The following MOB4 variants were observed in gnomAD, a reference collection of about 807,000 sequenced individuals.
The protein encoded by MOB4 is MOB family member 4, phocein.
A neutral mutation model predicts 32.2 loss-of-function variants in MOB4; 4 were observed. That is an observed-to-expected ratio of 0.12 (90% CI 0.06 to 0.28). MOB4 has a LOEUF of 0.28. MOB4 is among the 10% of genes least tolerant of loss of function. The pLI, the probability that MOB4 is intolerant of heterozygous loss-of-function variation, is 1.00. For missense variants in MOB4, 158 were observed against 271.2 expected, an observed-to-expected ratio of 0.58 and a Z score of 2.93; for synonymous variants, 88 against 88.1, an observed-to-expected ratio of 1.00 and a Z score of 0.01.
chr2:197,517,221 A>G (rs1243414943), intron 1 of MOB4, among the ~76,000 whole-genome samples: 1 of 152,230 alleles, frequency 6.6e-6, no homozygotes, highest in Non-Finnish European at 1.5e-5. Context: ...GCCCAAGGAT[A>G]CATAGTCTCC....
At chr2:197,543,712 G>A (rs1256290535) in intron 5 of MOB4, among the ~76,000 whole-genome samples, 1 of 152,096 alleles carries the variant, frequency 6.6e-6, no homozygotes, top group Non-Finnish European at 1.5e-5. Context: ...GGTATGGGAA[G>A]TTAGTGCTTA....
At chr2:197,540,567 T>C in intron 5 of MOB4, 130 bp downstream of exon 5, 1 of 911,376 alleles carries the variant, frequency 1.1e-6, no homozygotes, top group South Asian at 2.5e-5. Flanking sequence ...AGTTGCTTGT[T>C]GTGAAGTTGT....
At chr2:197,528,896 C>T (rs375311771) in intron 2 of MOB4, among the ~76,000 whole-genome samples, 2 of 151,998 alleles carry the variant, frequency 1.3e-5, no homozygotes, top group African/African-American at 4.8e-5. Context: ...GGATTACAGG[C>T]GTGAGCCACC....
At chr2:197,538,524 A>G (rs2086842671) in intron 3 of MOB4, among the ~76,000 whole-genome samples, 1 of 152,014 alleles carries the variant, frequency 6.6e-6, no homozygotes, top group African/African-American at 2.4e-5. Flanking sequence ...CCACTAGCTC[A>G]TATTGAGTCT....
intron 2 of MOB4, among the ~76,000 whole-genome samples, chr2:197,528,305 C>T (rs1277417979): frequency 6.6e-6 from 1 of 152,034 alleles, no homozygotes. Flanking sequence ...CTAATTTTGA[C>T]ATATTTATAT....
chr2:197,515,743 AG>A, upstream of MOB4: 1 of 344,658 alleles, frequency 2.9e-6, no homozygotes, highest in South Asian at 3.7e-5. Context: ...GTAACTAACG[AG>A]AGCCCATACC....
intron 5 of MOB4, among the ~76,000 whole-genome samples, chr2:197,541,787 C>T (rs1285233687): frequency 1.3e-5 from 2 of 151,216 alleles, no homozygotes; most frequent in South Asian, 2.1e-4. Flanking sequence ...GGCGTAGTGG[C>T]GGGCGCCTGT....
At chr2:197,528,634 G>A in intron 2 of MOB4, among the ~76,000 whole-genome samples, 1 of 49,746 alleles carries the variant, frequency 2.0e-5, no homozygotes, top group African/African-American at 8.6e-5. Context: ...TTTTTTTTTT[G>A]AGACGGAGTC....
At chr2:197,550,163 C>T (rs975593903) in intron 6 of MOB4, 112 bp from the exon 7 acceptor site, 12 of 944,952 alleles carry the variant, frequency 1.3e-5, no homozygotes, top group African/African-American at 1.2e-4. Context: ...TTGGAGTAGT[C>T]GCTTATTTTC....
intron 3 of MOB4, among the ~76,000 whole-genome samples, chr2:197,539,739 A>T (rs571506442): frequency 6.6e-6 from 1 of 152,304 alleles, no homozygotes; most frequent in Non-Finnish European, 1.5e-5. Flanking sequence ...TTATACATTT[A>T]TCTGCATGCA....
chr2:197,548,904 C>T (rs902666455), intron 6 of MOB4, among the ~76,000 whole-genome samples: 3 of 152,082 alleles, frequency 2.0e-5, no homozygotes, highest in African/African-American at 7.2e-5. Context: ...GTTAGTTAGA[C>T]TCGACCTCCC....
At chr2:197,530,816 T>C (rs951441694) in intron 2 of MOB4, among the ~76,000 whole-genome samples, 3 of 151,968 alleles carry the variant, frequency 2.0e-5, no homozygotes, top group Non-Finnish European at 4.4e-5. Flanking sequence ...CCAAGGTCTC[T>C]AACTCCTGAG....
intron 2 of MOB4, among the ~76,000 whole-genome samples, chr2:197,526,801 T>C (rs917966018): frequency 1.3e-5 from 2 of 152,220 alleles, no homozygotes. Flanking sequence ...TCGAAATCTT[T>C]TGGCCATGTA....
intron 3 of MOB4, among the ~76,000 whole-genome samples, 172 bp downstream of exon 3, chr2:197,535,802 C>T (rs559959704): frequency 2.8e-3 from 423 of 152,110 alleles, no homozygotes; most frequent in Non-Finnish European, 5.0e-3. Flanking sequence ...TGGTTGTTTC[C>T]AGGTCAAATT....
chr2:197,522,885 C>T (rs2086546264), intron 1 of MOB4, among the ~76,000 whole-genome samples: 1 of 151,382 alleles, frequency 6.6e-6, no homozygotes, highest in Admixed American at 6.6e-5. Flanking sequence ...TGTGGTGGTG[C>T]GTGCCTGTAG....
intron 5 of MOB4, among the ~76,000 whole-genome samples, chr2:197,544,746 C>A (rs1476843828): frequency 2.7e-5 from 4 of 150,142 alleles, no homozygotes; most frequent in Non-Finnish European, 5.9e-5. Context: ...GAGTGAGACT[C>A]CGTCTCAAAA....
chr2:197,534,941 C>T (rs896814501), intron 2 of MOB4, among the ~76,000 whole-genome samples: 1 of 152,166 alleles, frequency 6.6e-6, no homozygotes, highest in African/African-American at 2.4e-5. Context: ...AGCCCTACAC[C>T]AGTACAAATC....
chr2:197,546,318 C>T (rs13035820), intron 5 of MOB4, among the ~76,000 whole-genome samples: 1 of 152,162 alleles, frequency 6.6e-6, no homozygotes, highest in Admixed American at 6.5e-5. Flanking sequence ...GCCTCGGCCT[C>T]CCAAAATGCT....
intron 7 of MOB4, 56 bp from the exon 8 acceptor site, chr2:197,550,459 A>G: frequency 6.3e-7 from 1 of 1,583,430 alleles, no homozygotes; most frequent in East Asian, 2.3e-5. Flanking sequence ...TGTTATTTCT[A>G]GTCTTTTAGT....
Sources: allele counts gnomAD v4.1 joint callset (sites outside exome capture counted in the v4.1 genomes callset), GRCh38; gene constraint gnomAD v4.1.1; transcripts MANE v1.5; gene names NCBI Gene and HGNC (gene_info 2026-07-23, HGNC 2026-07-21).